Variants in ZBTB20 observed in about 807,000 individuals in gnomAD.
ZBTB20 encodes zinc finger and BTB domain containing 20.
Under a neutral mutation model 56.9 loss-of-function variants are expected in ZBTB20, and 9 were observed. That is an observed-to-expected ratio of 0.16 (90% CI 0.10 to 0.28). The LOEUF (loss-of-function observed/expected upper bound fraction) is 0.28. Ranked by LOEUF, ZBTB20 falls within the 10% of genes least tolerant of loss-of-function variation. ZBTB20 has a pLI of 1.00. For missense variants in ZBTB20, 655 were observed against 1,003.0 expected (o/e 0.65, Z 4.69); for synonymous variants, 417 against 420.7 (o/e 0.99, Z 0.11).
rs1451813656 is a variant in ZBTB20 at position 114,655,801 on chromosome 3, C to A, written c.-295+37727G>T. Among the ~76,000 whole-genome samples, 5 of 152,100 alleles carry A rather than the reference C, an allele frequency of 3.3e-5. No individual in the cohort carries two copies. The South Asian group carries it at 6.2e-4, about 19-fold the overall frequency. Reference sequence around the variant, plus strand: ...AGTATTTTTACATACTTCATATCTGCAAGTACTATAGACTCATGAGAAAAT... The same window carrying A: ...AGTATTTTTACATACTTCATATCTGAAAGTACTATAGACTCATGAGAAAAT... On this transcript the variant is annotated intron_variant, in intron 6 of 11. Transcript: ENST00000675478.
intron 5 of ZBTB20, among the ~76,000 whole-genome samples, chr3:114,713,228 T>C (rs950516183): frequency 1.3e-5 from 2 of 152,130 alleles, no homozygotes; most frequent in Non-Finnish European, 2.9e-5. Context: ...GACAATTTCA[T>C]TTTCTTCAGA....
chr3:115,005,180 T>C (rs991146973), intron 2 of ZBTB20, among the ~76,000 whole-genome samples: 1 of 151,850 alleles, frequency 6.6e-6, no homozygotes, highest in African/African-American at 2.4e-5. Flanking sequence ...AAAGGTTTAA[T>C]AGAATGTGGC....
intron 5 of ZBTB20, among the ~76,000 whole-genome samples, chr3:114,766,313 G>A (rs1254140264): frequency 1.3e-5 from 2 of 152,106 alleles, no homozygotes; most frequent in Admixed American, 6.5e-5. Context: ...AAAAAAGCCT[G>A]TAGACAGGTA....
At chr3:114,907,263 C>T (rs1222295149) in intron 3 of ZBTB20, among the ~76,000 whole-genome samples, 1 of 151,762 alleles carries the variant, frequency 6.6e-6, no homozygotes, top group Non-Finnish European at 1.5e-5. Context: ...CAGTGGCTAC[C>T]AACCCTGCAA....
chr3:114,316,799 GC>G lies in ZBTB20; in HGVS notation c.*22205del, dbSNP rs2078701390. On this transcript the variant is annotated 3_prime_UTR_variant, in exon 12 of 12. Transcript: ENST00000675478. ...AAACCTGGGTTTGGTCATGCTGGGGGCTGACGTGGCAGTGCCAGGCTCGTGC... is the reference window on the plus strand; with the variant it reads ...AAACCTGGGTTTGGTCATGCTGGGGGTGACGTGGCAGTGCCAGGCTCGTGC... 3.5e-6 allele frequency: 1 copy of G among 289,022 alleles called. No homozygotes were observed. Among genetic ancestry groups the G allele is most frequent in the African/African-American group, 2.3e-5 (1 of 43,126 alleles). The allele number at this position is 289,022 out of a possible 1,614,324, so 17.9% of individuals were successfully genotyped here.
intron 8 of ZBTB20, chr3:114,383,715 CTTCGGACTCCTTT>C (rs1209138232): frequency 6.6e-6 from 1 of 152,212 alleles, no homozygotes; most frequent in Non-Finnish European, 1.5e-5. Context: ...TCTAATGGTT[CTTCGGACTCCTTT>C]TTCCGGAGCT....
chr3:114,884,686 C>T (rs140434447), intron 4 of ZBTB20, among the ~76,000 whole-genome samples: 2 of 152,226 alleles, frequency 1.3e-5, no homozygotes, highest in East Asian at 3.9e-4. Context: ...CTGTGCTCAC[C>T]TCAAATGGAG....
intron 4 of ZBTB20, among the ~76,000 whole-genome samples, chr3:114,858,194 A>G (rs1281600794): frequency 6.6e-6 from 1 of 152,220 alleles, no homozygotes; most frequent in African/African-American, 2.4e-5. Context: ...AAAAATGGCC[A>G]AAACTGCATT....
At chr3:114,823,858 T>C (rs761942883) in intron 4 of ZBTB20, among the ~76,000 whole-genome samples, 1 of 152,044 alleles carries the variant, frequency 6.6e-6, no homozygotes, top group Non-Finnish European at 1.5e-5. Flanking sequence ...CAAAACACCA[T>C]ACGTGATTAA....
At chr3:114,542,747 G>C (rs913440082) in intron 6 of ZBTB20, among the ~76,000 whole-genome samples, 1 of 152,136 alleles carries the variant, frequency 6.6e-6, no homozygotes, top group Admixed American at 6.5e-5. Flanking sequence ...AGGTACACAG[G>C]AAGGGTTCAG....
intron 6 of ZBTB20, among the ~76,000 whole-genome samples, chr3:114,654,002 T>C (rs914688140): frequency 6.6e-6 from 1 of 151,952 alleles, no homozygotes; most frequent in African/African-American, 2.4e-5. Flanking sequence ...TCATCTCTTT[T>C]TTCTTGAACT....
intron 5 of ZBTB20, among the ~76,000 whole-genome samples, chr3:114,725,411 T>G (rs1371328639): frequency 7.9e-6 from 1 of 127,354 alleles, no homozygotes; most frequent in Non-Finnish European, 1.6e-5. Flanking sequence ...AATAAACAGG[T>G]TTCATAAAAT....
chr3:114,661,178 C>T (rs1402572684), intron 6 of ZBTB20, among the ~76,000 whole-genome samples: 2 of 152,022 alleles, frequency 1.3e-5, no homozygotes, highest in Admixed American at 1.3e-4. Flanking sequence ...CTTTGATCTA[C>T]CTCAACATTT....
At position 114,473,621 on chromosome 3, in the gene ZBTB20, A is replaced by G. The variant is rs148346928; in HGVS notation, c.-255+26731T>C. 4.6e-3 allele frequency among the ~76,000 whole-genome samples: 698 copies of G among 152,234 alleles called. 26 individuals carry two copies. Among genetic ancestry groups the G allele is most frequent in the East Asian group, 0.031 (161 of 5,174 alleles). On this transcript the variant is annotated intron_variant, in intron 7 of 11. Coordinates refer to ENST00000675478, the MANE Select transcript of ZBTB20 (RefSeq NM_001348800.3). Reference sequence around the variant, plus strand: ...GAGGCAGGAGGATCACTGGACCCCCAGAGTTTGAGGCCAGCCTGGGGCAAC... The same window carrying G: ...GAGGCAGGAGGATCACTGGACCCCCGGAGTTTGAGGCCAGCCTGGGGCAAC...
At chr3:115,052,478 A>G (rs567237184) in intron 2 of ZBTB20, among the ~76,000 whole-genome samples, 94 of 152,192 alleles carry the variant, frequency 6.2e-4, no homozygotes, top group Middle Eastern at 3.4e-3. Flanking sequence ...AAAAGTGACT[A>G]GACCACAGTA....
intron 9 of ZBTB20, 72 bp from the exon 10 acceptor site, chr3:114,380,476 A>G (rs2084181055): frequency 7.0e-7 from 1 of 1,438,548 alleles, no homozygotes. Context: ...AGAATCTGTT[A>G]AAGATAACTT....
intron 1 of ZBTB20, among the ~76,000 whole-genome samples, chr3:115,073,404 TCC>T (rs2082481965): frequency 6.6e-6 from 1 of 152,146 alleles, no homozygotes; most frequent in Non-Finnish European, 1.5e-5. Flanking sequence ...TTGGAGGGTT[TCC>T]CTAATTGTTC....
intron 3 of ZBTB20, among the ~76,000 whole-genome samples, chr3:114,965,018 A>G (rs1332436337): frequency 6.6e-6 from 1 of 152,212 alleles, no homozygotes; most frequent in African/African-American, 2.4e-5. Flanking sequence ...TCTATCTGAA[A>G]GATGGGATGA....
rs573196420 is a variant in ZBTB20 at position 114,378,344 on chromosome 3, G to A, written c.199+1873C>T. ...ACAGAGAAGACTTACACATCTTAAT[G>A]GCAAAATCAAAGTGACTGTCTAAAA... On this transcript the variant is annotated intron_variant, in intron 10 of 11. Transcript: ENST00000675478. Among the ~76,000 whole-genome samples the A allele has an allele frequency of 4.9e-4, 75 of 152,142 alleles. 1 individual carries two copies. The highest frequency in any genetic ancestry group is 9.2e-4 in the Admixed American group (14 of 15,274).
Sources: allele counts gnomAD v4.1 joint callset (sites outside exome capture counted in the v4.1 genomes callset), GRCh38; gene constraint gnomAD v4.1.1; transcripts MANE v1.5; gene names NCBI Gene and HGNC (gene_info 2026-07-23, HGNC 2026-07-21).